DYNC1H1: variants seen among roughly 807,000 people sequenced by gnomAD.
DYNC1H1 encodes the protein dynein cytoplasmic 1 heavy chain 1.
Under a neutral mutation model 527.1 loss-of-function variants are expected in DYNC1H1, and 51 were observed. The ratio of observed to expected loss-of-function variants is 0.10; its 90% CI spans 0.08 to 0.12. DYNC1H1 has a LOEUF of 0.12. DYNC1H1 is among the 10% of genes least tolerant of loss of function. DYNC1H1 has a pLI of 1.00. For missense variants in DYNC1H1, 2,771 were observed against 5,971.8 expected (o/e 0.46, Z 17.66); for synonymous variants, 2,189 against 2,278.8 (o/e 0.96, Z 1.12).
chr14:102,043,767 C>G, intron 69 of DYNC1H1, 108 bp from the exon 70 acceptor site: 1 of 1,504,268 alleles, frequency 6.6e-7, no homozygotes, highest in Non-Finnish European at 9.2e-7. Context: ...CTGCCATCGT[C>G]AGGATGTGGA....
rs1272368538 is a variant in DYNC1H1 at position 102,042,988 on chromosome 14, ACTGT to A, written c.12513+244_12513+247del. ...GATCACTTGAGCCCAGGAGTTCAAG[ACTGT>A]CTGGGCAGGCCAGGAGTGGTGGCTC... On this transcript the variant is annotated intron_variant, in intron 69 of 77. Transcript: ENST00000360184. This position sits in a 1 kb window ranked among gnomAD's most constrained non-coding sequence, Gnocchi z 5.7. 2.0e-5 allele frequency: 11 copies of A among 553,826 alleles called. No individual in the cohort carries two copies. Among genetic ancestry groups the A allele is most frequent in the East Asian group, 7.0e-5 (2 of 28,550 alleles). The allele number at this position is 553,826 out of a possible 1,614,324, so 34.3% of individuals were successfully genotyped here. A position where few individuals can be genotyped will look rare whatever the true frequency, so the allele number is the denominator to read the frequency against.
At position 102,010,610 on chromosome 14, in the gene DYNC1H1, G is replaced by A; in HGVS notation, c.6406-130G>A. 1 of 1,492,770 alleles carries A rather than the reference G, an allele frequency of 6.7e-7. No individual in the cohort carries two copies. Among genetic ancestry groups the A allele is most frequent in the South Asian group, 1.2e-5 (1 of 84,302 alleles). The allele number at this position is 1,492,770 out of a possible 1,614,324, so 92.5% of individuals were successfully genotyped here. ...GTAATGTTGACCCAGTGAGTCGAGT[G>A]CACGAATGTGGGCGAGTGGTGCTCG... is the stretch of plus-strand genomic sequence containing the variant. On this transcript the variant is annotated intron_variant, in intron 31 of 77. Coordinates refer to ENST00000360184, the MANE Select transcript of DYNC1H1 (RefSeq NM_001376.5). This position sits in a 1 kb window ranked among gnomAD's most constrained non-coding sequence, Gnocchi z 6.0.
At chr14:101,991,712 G>A (rs185320391) in intron 11 of DYNC1H1, 39 bp downstream of exon 11, 1 of 1,613,374 alleles carries the variant, frequency 6.2e-7, no homozygotes, top group African/African-American at 1.3e-5. Context: ...CCTCTGACCA[G>A]GACTCTCATG....
At position 102,005,287 on chromosome 14, in the gene DYNC1H1, A is replaced by C; in HGVS notation, c.5433+51A>C. 6.9e-6 allele frequency: 11 copies of C among 1,605,150 alleles called. No individual in the cohort carries two copies. Among genetic ancestry groups the C allele is most frequent in the Non-Finnish European group, 8.5e-6 (10 of 1,172,540 alleles). On this transcript the variant is annotated intron_variant, in intron 26 of 77. Transcript: ENST00000360184. This position sits in a 1 kb window ranked among gnomAD's most constrained non-coding sequence, Gnocchi z 4.0. ...TTACCAGTTAGACTCTTACACCCTC[A>C]ACCACACAGTTAAATGGAAATCATG...
rs770367659 is a variant in DYNC1H1, at chr14:102,049,689, C to T, written c.13516-25C>T. On this transcript the variant is annotated intron_variant, in intron 75 of 77. Coordinates refer to ENST00000360184, the MANE Select transcript of DYNC1H1 (RefSeq NM_001376.5). The surrounding 1 kb of genome is among the most constrained non-coding windows in gnomAD (Gnocchi z 5.5). ...GCCCAGGTCTGACCTGAGCTCCTTC[C>T]CCTGGGGGCTGCTGCTTTCCACAGA... The T allele has an allele frequency of 3.7e-6, 6 of 1,613,866 alleles. No homozygotes were observed. The highest frequency in any genetic ancestry group is 5.1e-6 in the Non-Finnish European group (6 of 1,180,026).
In DYNC1H1 at chr14:101,980,493, G is replaced by A. The variant is rs1487834019; in HGVS notation, c.904G>A (p.Asp302Asn). Residue 302 changes from aspartate (D) to asparagine (N), a missense_variant, in exon 5 of 78, where the codon GAT becomes AAT. Transcript: ENST00000360184. The part of the protein sequence containing the change: ...RESPEVLLTL[D>N]ILKHGKRFHA... ...GAGCCCGGAAGTTCTCCTGACTCTG[G>A]ATATCTTGAAACATGGCAAGCGCTT... is the stretch of plus-strand genomic sequence containing the variant. The A allele has an allele frequency of 6.2e-7, 1 of 1,614,152 alleles. No homozygotes were observed. Among genetic ancestry groups the A allele is most frequent in the Admixed American group, 1.7e-5 (1 of 60,016 alleles).
chr14:102,004,159 G>A (rs984270350), intron 23 of DYNC1H1, among the ~76,000 whole-genome samples: 1 of 149,754 alleles, frequency 6.7e-6, no homozygotes, highest in African/African-American at 2.5e-5. Flanking sequence ...CAGGAGAATG[G>A]CGTGAACCCG....
At chr14:101,989,885 C>T (rs190735192) in intron 10 of DYNC1H1, among the ~76,000 whole-genome samples, 158 of 152,270 alleles carry the variant, frequency 1.0e-3, no homozygotes, top group African/African-American at 3.5e-3. Context: ...GTGGTCCCGA[C>T]GATTACAATA....
At position 101,997,053 on chromosome 14, in the gene DYNC1H1, C is replaced by T. The variant is rs767427937; in HGVS notation, c.3583C>T (p.Arg1195Cys). ...CTCAAAGCTCTACCGCAATGGCCAGCGCTTACTGGAAAAGCAAAGGTTCCA... is the reference window on the plus strand; with the variant it reads ...CTCAAAGCTCTACCGCAATGGCCAGTGCTTACTGGAAAAGCAAAGGTTCCA... ...KQVELYRNGQ[R>C]LLEKQRFQFP... is the part of the protein sequence containing the mutation. Residue 1195 changes from arginine to cysteine, a missense_variant, in exon 16 of 78, where the codon CGC (arginine) becomes TGC (cysteine). Physicochemically the swap from Arg to Cys is radical, Grantham distance 180. Transcript: ENST00000360184. This position sits in a 1 kb window ranked among gnomAD's most constrained non-coding sequence, Gnocchi z 4.8. The T allele has an allele frequency of 1.1e-5, 18 of 1,614,000 alleles. No homozygotes were observed. Among genetic ancestry groups the T allele is most frequent in the Non-Finnish European group, 1.4e-5 (17 of 1,179,998 alleles).
chr14:102,004,265 TA>T (rs1349429987), intron 23 of DYNC1H1, among the ~76,000 whole-genome samples: 5 of 152,048 alleles, frequency 3.3e-5, no homozygotes, highest in African/African-American at 1.2e-4. Context: ...AATAAATAAA[TA>T]AATAAAGTAA....
chr14:102,038,289 T>G lies in DYNC1H1; in HGVS notation c.10909-171T>G. ...CCACCGCATCTGGCTGAGTTTTTAATTTTAGTTCATTTAAATGTAAGTAGC... is the reference window on the plus strand; with the variant it reads ...CCACCGCATCTGGCTGAGTTTTTAAGTTTAGTTCATTTAAATGTAAGTAGC... On this transcript the variant is annotated intron_variant, in intron 57 of 77. Coordinates refer to ENST00000360184, the MANE Select transcript of DYNC1H1 (RefSeq NM_001376.5). The surrounding 1 kb of genome is among the most constrained non-coding windows in gnomAD (Gnocchi z 7.2). 1 of 1,159,216 alleles carries G rather than the reference T, an allele frequency of 8.6e-7. No homozygotes were observed. The highest frequency in any genetic ancestry group is 1.2e-6 in the Non-Finnish European group (1 of 808,716). The allele number at this position is 1,159,216 out of a possible 1,614,324, so 71.8% of individuals were successfully genotyped here.
chr14:102,050,504 A>G lies in DYNC1H1; in HGVS notation c.13882A>G (p.Thr4628Ala), dbSNP rs2048794686. Reference protein sequence around the residue: ...LIFTVDFEIATKEDPRSFYER... With the variant: ...LIFTVDFEIAAKEDPRSFYER... ...CTTCACCGTGGACTTCGAAATTGCT[A>G]CAAAGGAGGATCCTCGCAGCTTCTA... Residue 4628 changes from threonine (T) to alanine (A), a missense_variant, in exon 78 of 78, where the codon ACA (threonine) becomes GCA (alanine). Thr to Ala is a moderately conservative substitution (Grantham distance 58). Around this residue, in one of 32 missense-constraint regions of DYNC1H1, gnomAD observed 106 missense variants for 139.2 expected, o/e 0.76. Coordinates refer to ENST00000360184, the MANE Select transcript of DYNC1H1 (RefSeq NM_001376.5). The G allele has an allele frequency of 6.2e-7, 1 of 1,614,210 alleles. No individual in the cohort carries two copies. The highest frequency in any genetic ancestry group is 8.5e-7 in the Non-Finnish European group (1 of 1,180,040).
At position 102,016,461 on chromosome 14, in the gene DYNC1H1, C is replaced by T. The variant is rs746209887; in HGVS notation, c.7586C>T (p.Ala2529Val). 34 of 1,614,098 alleles carry T rather than the reference C, an allele frequency of 2.1e-5. No homozygotes were observed. Among genetic ancestry groups the T allele is most frequent in the South Asian group, 3.3e-5 (3 of 91,090 alleles). Residue 2529 changes from alanine to valine, a missense_variant, in exon 37 of 78, where the codon GCG (alanine) becomes GTG (valine). This residue lies in a region of DYNC1H1 where 71 missense variants were observed against 143.6 expected (regional missense o/e 0.49). Transcript: ENST00000360184. The surrounding 1 kb of genome is among the most constrained non-coding windows in gnomAD (Gnocchi z 7.3). ...ATCACGACCGTGCCTCTGCCCACTG[C>T]GCCCAACATACCCATTATCGATTAT... ...RRITTVPLPTAPNIPIIDYEV... is the reference protein window; with the variant it reads ...RRITTVPLPTVPNIPIIDYEV...
In DYNC1H1 at chr14:101,985,758, C is replaced by T. The variant is rs759388059; in HGVS notation, c.1533C>T (p.Leu511=). 5.0e-6 allele frequency: 8 copies of T among 1,614,076 alleles called. No individual in the cohort carries two copies. The highest frequency in any genetic ancestry group is 6.8e-6 in the Non-Finnish European group (8 of 1,180,048). The part of the protein sequence containing the change: ...EPQDMKVAEV[L]FDAADANAIE... ...AAGATATGAAAGTGGCTGAGGTTCT[C>T]TTTGATGCTGCAGATGCAAATGCCA... Residue 511 remains leucine (L), a synonymous_variant, in exon 8 of 78, where the codon CTC becomes CTT. Coordinates refer to ENST00000360184, the MANE Select transcript of DYNC1H1 (RefSeq NM_001376.5). The surrounding 1 kb of genome is among the most constrained non-coding windows in gnomAD (Gnocchi z 5.9).
intron 64 of DYNC1H1, 93 bp downstream of exon 64, chr14:102,040,766 C>A: frequency 6.9e-7 from 1 of 1,459,434 alleles, no homozygotes; most frequent in Non-Finnish European, 9.6e-7. Context: ...AAGTTACTAG[C>A]CTGGGCAACA....
chr14:102,004,792 G>A lies in DYNC1H1; in HGVS notation c.5080G>A (p.Glu1694Lys). 1 of 1,614,078 alleles carries A rather than the reference G, an allele frequency of 6.2e-7. No homozygotes were observed. The highest frequency in any genetic ancestry group is 8.5e-7 in the Non-Finnish European group (1 of 1,180,022). ...VMFKTPVSIT[E>K]HPKINEWLTL... ...GTTTAAAACTCCTGTGTCAATTACTGAACATCCCAAAATCAATGAGTGGCT... is the reference window on the plus strand; with the variant it reads ...GTTTAAAACTCCTGTGTCAATTACTAAACATCCCAAAATCAATGAGTGGCT... The change falls in exon 25 of 78, where the codon GAA becomes AAA. Residue 1694 changes from glutamate to lysine, a missense_variant. This residue lies in a region of DYNC1H1 where 105 missense variants were observed against 138.1 expected (regional missense o/e 0.76). Coordinates refer to ENST00000360184, the MANE Select transcript of DYNC1H1 (RefSeq NM_001376.5).
At chr14:102,048,802 CTTA>C in intron 74 of DYNC1H1, 133 bp downstream of exon 74, 1 of 789,224 alleles carries the variant, frequency 1.3e-6, no homozygotes, top group Non-Finnish European at 1.9e-6. Context: ...GCTCTGTGCT[CTTA>C]CCCTCAAGGT....
At position 102,015,248 on chromosome 14, in the gene DYNC1H1, G is replaced by A. The variant is rs773186619; in HGVS notation, c.7158G>A (p.Pro2386=). 87 of 1,614,084 alleles carry A rather than the reference G, an allele frequency of 5.4e-5. No homozygotes were observed. The South Asian group carries it at 7.4e-4, about 14-fold the overall frequency. ...NNFLARLRSI[P]LDEGEDEAQR... is the part of the protein sequence containing the mutation. ...TCCTGGCCAGGCTGCGCAGCATCCC[G>A]CTGGATGAAGGGGAGGATGAGGCAC... Residue 2386 remains proline, a synonymous_variant, in exon 35 of 78, where the codon CCG becomes CCA. Coordinates refer to ENST00000360184, the MANE Select transcript of DYNC1H1 (RefSeq NM_001376.5). This position sits in a 1 kb window ranked among gnomAD's most constrained non-coding sequence, Gnocchi z 6.9.
chr14:101,994,281 C>G lies in DYNC1H1; in HGVS notation c.3113C>G (p.Ser1038Cys). 3.7e-6 allele frequency: 6 copies of G among 1,614,192 alleles called. No homozygotes were observed. The highest frequency in any genetic ancestry group is 5.1e-6 in the Non-Finnish European group (6 of 1,180,036). The change falls in exon 12 of 78, where the codon TCT (serine) becomes TGT (cysteine). Residue 1038 changes from serine (S) to cysteine (C), a missense_variant. This residue lies in a region of DYNC1H1 where 179 missense variants were observed against 349.4 expected (regional missense o/e 0.51). Coordinates refer to ENST00000360184, the MANE Select transcript of DYNC1H1 (RefSeq NM_001376.5). ...CCTGTTGCCCTGGAAGAGTCGTATT[C>G]TGCTGTCATGGGCATTGTATCTGAA... ...DGPVALEESY[S>C]AVMGIVSEVE...
Sources: gnomAD v4.1 joint callset for allele counts (sites outside exome capture counted in the v4.1 genomes callset) on GRCh38, gnomAD v4.1.1 for gene constraint, gnomAD v4.1.1 regional missense constraint, Gnocchi (gnomAD v3.1) non-coding constraint, MANE v1.5 for transcripts, NCBI Gene and HGNC (gene_info 2026-07-23, HGNC 2026-07-21) for gene names.